CNOT2: variants seen among roughly 807,000 people sequenced by gnomAD.
CNOT2 encodes the protein CC chemokine receptor 4-negative regulator of transcription 2.
Under a neutral mutation model 72.1 loss-of-function variants are expected in CNOT2, and 7 were observed. The ratio of observed to expected loss-of-function variants is 0.10; its 90% CI spans 0.06 to 0.18. The LOEUF is 0.18. Among genes scored for constraint, CNOT2 ranks in the 10% least tolerant of loss-of-function variants. CNOT2 has a pLI of 1.00. For synonymous variants in CNOT2, 196 were observed against 225.6 expected (o/e 0.87, Z 1.17); for missense variants, 345 against 660.3 (o/e 0.52, Z 5.23).
chr12:70,255,465 G>GA (rs1306873629), intron 1 of CNOT2, among the ~76,000 whole-genome samples: 1 of 152,064 alleles, frequency 6.6e-6, no homozygotes, highest in African/African-American at 2.4e-5. Context: ...TGAGCCTTTT[G>GA]AAGCATTAAA....
chr12:70,332,721 G>T, intron 6 of CNOT2, 46 bp from the exon 7 acceptor site: 2 of 1,539,824 alleles, frequency 1.3e-6, no homozygotes, highest in Non-Finnish European at 1.7e-6. Context: ...TCATCTGAAA[G>T]TTAGTGTTCT....
intron 2 of CNOT2, among the ~76,000 whole-genome samples, chr12:70,283,647 T>TAAA (rs34501610): frequency 1.6e-5 from 2 of 122,908 alleles, no homozygotes; most frequent in African/African-American, 3.1e-5. Flanking sequence ...AGAATGAGTT[T>TAAA]AAAAAAAAAA....
intron 6 of CNOT2, chr12:70,330,736 T>A: frequency 2.9e-6 from 1 of 344,584 alleles, no homozygotes; most frequent in Non-Finnish European, 5.2e-6. Context: ...CAAATTTTGG[T>A]TGATATGTCC....
chr12:70,281,259 A>G (rs996552683), intron 2 of CNOT2, among the ~76,000 whole-genome samples: 2 of 151,666 alleles, frequency 1.3e-5, no homozygotes, highest in Admixed American at 6.6e-5. Flanking sequence ...TAATTTTTGT[A>G]TTTTTAGTAG....
At chr12:70,347,252 T>C (rs1882294579) in intron 15 of CNOT2, among the ~76,000 whole-genome samples, 1 of 152,188 alleles carries the variant, frequency 6.6e-6, no homozygotes, top group African/African-American at 2.4e-5. Context: ...AAAATGATTA[T>C]TTAAAAAGGT....
intron 1 of CNOT2, among the ~76,000 whole-genome samples, chr12:70,271,810 T>G (rs1463534211): frequency 6.6e-6 from 1 of 152,246 alleles, no homozygotes; most frequent in African/African-American, 2.4e-5. Flanking sequence ...AAAGTATTTG[T>G]TAAATTTCAG....
upstream of CNOT2, chr12:70,243,343 C>CA (rs1277595155): frequency 1.3e-5 from 2 of 152,712 alleles, no homozygotes; most frequent in African/African-American, 4.8e-5. Context: ...TCGTCGCTCC[C>CA]ACCTTCCGCT....
At chr12:70,349,373 A>G (rs577568860) in intron 15 of CNOT2, among the ~76,000 whole-genome samples, 2 of 152,320 alleles carry the variant, frequency 1.3e-5, no homozygotes, top group Non-Finnish European at 2.9e-5. Flanking sequence ...TAAAGAACGT[A>G]TATTAAATAA....
chr12:70,316,869 T>G (rs1877426619), intron 3 of CNOT2, among the ~76,000 whole-genome samples: 1 of 152,182 alleles, frequency 6.6e-6, no homozygotes, highest in Non-Finnish European at 1.5e-5. Context: ...AACTCATGGA[T>G]GTATAATCAG....
rs554779623 is a variant in CNOT2, at chr12:70,302,430, G to A, written c.49-8465G>A. On this transcript the variant is annotated intron_variant, in intron 2 of 15. Transcript: ENST00000229195. ...GGTATGTTGTGTCTTTGTTCTCGTTGGTTTCAAAGAACATCTTTATTTCTG... is the reference window on the plus strand; with the variant it reads ...GGTATGTTGTGTCTTTGTTCTCGTTAGTTTCAAAGAACATCTTTATTTCTG... Among the ~76,000 whole-genome samples the A allele has an allele frequency of 6.8e-3, 1,025 of 151,352 alleles. 3 individuals carry two copies. Among genetic ancestry groups the A allele is most frequent in the African/African-American group, 0.022 (925 of 41,280 alleles).
intron 1 of CNOT2, among the ~76,000 whole-genome samples, chr12:70,256,147 G>T (rs1219213560): frequency 1.3e-5 from 2 of 152,100 alleles, no homozygotes; most frequent in Non-Finnish European, 2.9e-5. Flanking sequence ...GATGAAGAAG[G>T]CTTTTATTTC....
intron 2 of CNOT2, among the ~76,000 whole-genome samples, chr12:70,297,482 C>G (rs976199778): frequency 6.6e-6 from 1 of 152,140 alleles, no homozygotes; most frequent in Non-Finnish European, 1.5e-5. Flanking sequence ...TAAAAAGTTG[C>G]TACTAGGGAA....
In CNOT2 at chr12:70,337,489, A is replaced by G. The variant is rs1880862446; in HGVS notation, c.876A>G (p.Thr292=). The G allele has an allele frequency of 7.4e-6, 12 of 1,611,754 alleles. No individual in the cohort carries two copies. The highest frequency in any genetic ancestry group is 9.3e-6 in the Non-Finnish European group (11 of 1,178,460). The change falls in exon 9 of 16, where the codon ACA becomes ACG. Residue 292 remains threonine, a synonymous_variant. Transcript: ENST00000229195. ...ALPGSSYKDP[T]SSNDDSKSNL... Reference sequence around the variant, plus strand: ...CAGGCTCCAGCTATAAAGATCCAACATCAAGTAATGATGACAGTAAATCTG... The same window carrying G: ...CAGGCTCCAGCTATAAAGATCCAACGTCAAGTAATGATGACAGTAAATCTG...
chr12:70,289,418 A>G (rs1447281979), intron 2 of CNOT2, among the ~76,000 whole-genome samples: 6 of 151,988 alleles, frequency 3.9e-5, no homozygotes, highest in Admixed American at 6.6e-5. Flanking sequence ...ATTAAGGTCT[A>G]TGTCGGTATA....
At position 70,329,428 on chromosome 12, in the gene CNOT2, C is replaced by G. The variant is rs1349330594; in HGVS notation, c.244C>G (p.Leu82Val). Residue 82 changes from leucine (L) to valine (V), a missense_variant, in exon 5 of 16, where the codon CTA becomes GTA. Around this residue, in one of 4 missense-constraint regions of CNOT2, gnomAD observed 157 missense variants for 235.3 expected, o/e 0.67. Coordinates refer to ENST00000229195, the MANE Select transcript of CNOT2 (RefSeq NM_014515.7). ...CTTCTGAATTTTTTTATTAGGTGCA[C>G]TAGGCCTTCCAATGAGGGGGATGAG... ...GASLYGQQSA[L>V]GLPMRGMSNN... The G allele has an allele frequency of 5.6e-6, 9 of 1,610,560 alleles. No individual in the cohort carries two copies. The highest frequency in any genetic ancestry group is 7.6e-6 in the Non-Finnish European group (9 of 1,177,674).
chr12:70,278,562 TC>T (rs1197424224), intron 2 of CNOT2: 1 of 319,886 alleles, frequency 3.1e-6, no homozygotes, highest in Non-Finnish European at 5.7e-6. Context: ...ATGACTGAAT[TC>T]AAAATGGTAA....
intron 1 of CNOT2, among the ~76,000 whole-genome samples, chr12:70,256,582 T>G (rs1216925678): frequency 2.8e-5 from 3 of 108,468 alleles, no homozygotes; most frequent in Non-Finnish European, 3.8e-5. Context: ...GACCTGTGGG[T>G]AAAAAAAAAA....
intron 15 of CNOT2, 170 bp downstream of exon 15, chr12:70,346,494 C>T (rs1882192705): frequency 2.1e-6 from 1 of 469,444 alleles, no homozygotes. Context: ...TGTCCCAAAA[C>T]AATTGGTTTC....
intron 1 of CNOT2, among the ~76,000 whole-genome samples, chr12:70,259,093 A>G (rs1380128976): frequency 2.0e-5 from 3 of 152,202 alleles, no homozygotes; most frequent in Non-Finnish European, 4.4e-5. Context: ...ACAGTTGAGT[A>G]AATAAGGTAG....
Sources: gnomAD v4.1 joint callset for allele counts (sites outside exome capture counted in the v4.1 genomes callset) on GRCh38, gnomAD v4.1.1 for gene constraint, gnomAD v4.1.1 regional missense constraint, MANE v1.5 for transcripts, NCBI Gene and HGNC (gene_info 2026-07-23, HGNC 2026-07-21) for gene names.